SIPA1L3: variants seen among roughly 807,000 people sequenced by gnomAD.
The protein encoded by SIPA1L3 is signal-induced proliferation-associated 1-like protein 3.
A neutral mutation model predicts 150.1 loss-of-function variants in SIPA1L3; 59 were observed. The observed-to-expected ratio is 0.39, with a 90% CI of 0.32 to 0.49. SIPA1L3 has a LOEUF of 0.49. SIPA1L3 is among the 20% of genes least tolerant of loss of function. SIPA1L3 has a pLI of 0.86. For synonymous variants in SIPA1L3, 1,070 were observed against 1,077.6 expected, an observed-to-expected ratio of 0.99 and a Z score of 0.14; for missense variants, 2,211 against 2,489.5, an observed-to-expected ratio of 0.89 and a Z score of 2.38.
intron 2 of SIPA1L3, among the ~76,000 whole-genome samples, chr19:38,050,264 T>G (rs1204828279): frequency 6.6e-6 from 1 of 152,112 alleles, no homozygotes; most frequent in African/African-American, 2.4e-5. Context: ...GAGACCAGCC[T>G]GGCCAACATG....
chr19:37,926,100 A>G (rs2046501305), intron 1 of SIPA1L3, among the ~76,000 whole-genome samples: 2 of 152,014 alleles, frequency 1.3e-5, no homozygotes, highest in African/African-American at 4.8e-5. Context: ...GTGGGTCAAG[A>G]ATGGTTGAAT....
intron 4 of SIPA1L3, 146 bp downstream of exon 4, chr19:38,088,997 T>A: frequency 1.2e-6 from 1 of 840,122 alleles, no homozygotes; most frequent in Non-Finnish European, 1.8e-6. Context: ...TCTCTCCATC[T>A]CACAGAGGAA....
intron 1 of SIPA1L3, among the ~76,000 whole-genome samples, chr19:37,916,899 C>A (rs2046419028): frequency 6.6e-6 from 1 of 151,430 alleles, no homozygotes; most frequent in South Asian, 2.1e-4. Context: ...GTGACAGTTG[C>A]AGTGAGCCAA....
intron 1 of SIPA1L3, among the ~76,000 whole-genome samples, chr19:38,007,785 T>A (rs1352557367): frequency 5.9e-5 from 9 of 152,120 alleles, no homozygotes; most frequent in Non-Finnish European, 1.3e-4. Context: ...ATGATTTAGT[T>A]ACTTTATTGA....
chr19:38,118,754 G>T, intron 8 of SIPA1L3, among the ~76,000 whole-genome samples: 1 of 151,850 alleles, frequency 6.6e-6, no homozygotes, highest in Middle Eastern at 3.2e-3. Flanking sequence ...GGCTGGTCTC[G>T]AACTCCTGAC....
intron 1 of SIPA1L3, among the ~76,000 whole-genome samples, chr19:37,976,473 G>T (rs558520430): frequency 6.6e-6 from 1 of 152,118 alleles, no homozygotes; most frequent in African/African-American, 2.4e-5. Context: ...ATCAATCCAG[G>T]TTCTTGGGTT....
chr19:37,911,468 G>C (rs2046376913), intron 1 of SIPA1L3, among the ~76,000 whole-genome samples: 1 of 151,448 alleles, frequency 6.6e-6, no homozygotes, highest in South Asian at 2.1e-4. Flanking sequence ...CTTTATTCCA[G>C]CATTCCCCCA....
rs532385643 is a variant in SIPA1L3 at position 38,206,482 on chromosome 19, C to T, written c.*242C>T. 32 of 479,222 alleles carry T rather than the reference C, an allele frequency of 6.7e-5. No individual in the cohort carries two copies. Among genetic ancestry groups the T allele is most frequent in the African/African-American group, 3.2e-4 (16 of 50,066 alleles). The allele number at this position is 479,222 out of a possible 1,614,324, so 29.7% of individuals were successfully genotyped here. Reference sequence around the variant, plus strand: ...CCTCCAAGCTGCCCAGCTGTGGTCCCGGTGAGCTGGGCTGTGCTTACACCG... The same window carrying T: ...CCTCCAAGCTGCCCAGCTGTGGTCCTGGTGAGCTGGGCTGTGCTTACACCG... On this transcript the variant is annotated 3_prime_UTR_variant, in exon 22 of 22. Transcript: ENST00000222345.
At chr19:38,137,680 G>A (rs1971465303) in intron 10 of SIPA1L3, among the ~76,000 whole-genome samples, 1 of 151,904 alleles carries the variant, frequency 6.6e-6, no homozygotes, top group African/African-American at 2.4e-5. Context: ...TTTGGACACA[G>A]GATCTTGCTG....
intron 14 of SIPA1L3, among the ~76,000 whole-genome samples, chr19:38,162,639 C>G (rs1972119797): frequency 1.3e-5 from 2 of 152,232 alleles, no homozygotes. Context: ...CTGTAACAGA[C>G]AGCCCCGAAT....
chr19:38,112,007 A>ACACACCATGCGTC (rs1970768549), intron 8 of SIPA1L3, among the ~76,000 whole-genome samples: 7 of 150,412 alleles, frequency 4.7e-5, no homozygotes, highest in African/African-American at 1.7e-4. Flanking sequence ...GCACACAGGC[A>ACACACCATGCGTC]CACACATGCA....
At chr19:37,931,878 G>A (rs926163195) in intron 1 of SIPA1L3, among the ~76,000 whole-genome samples, 5 of 152,142 alleles carry the variant, frequency 3.3e-5, no homozygotes, top group Non-Finnish European at 2.9e-5. Flanking sequence ...TGACTTATTC[G>A]TTGAACTTCT....
At chr19:38,062,805 G>A (rs1170195968) in intron 2 of SIPA1L3, among the ~76,000 whole-genome samples, 1 of 152,040 alleles carries the variant, frequency 6.6e-6, no homozygotes, top group Non-Finnish European at 1.5e-5. Context: ...ATTTTTAGTA[G>A]AGACAGAGTT....
chr19:38,128,260 C>T (rs1014599920), intron 9 of SIPA1L3, among the ~76,000 whole-genome samples: 3 of 151,740 alleles, frequency 2.0e-5, no homozygotes, highest in Non-Finnish European at 2.9e-5. Flanking sequence ...AGGGTTCTGC[C>T]GTAGTAATAG....
At chr19:38,072,761 G>A (rs772528646) in intron 2 of SIPA1L3, among the ~76,000 whole-genome samples, 1 of 152,274 alleles carries the variant, frequency 6.6e-6, no homozygotes, top group Admixed American at 6.5e-5. Flanking sequence ...GGAAAAAGGA[G>A]TCCTGGCGAC....
At chr19:38,095,721 G>T (rs1426154686) in intron 4 of SIPA1L3, among the ~76,000 whole-genome samples, 1 of 152,130 alleles carries the variant, frequency 6.6e-6, no homozygotes, top group Non-Finnish European at 1.5e-5. Flanking sequence ...GGAGAGTGAG[G>T]TGGCCACTCA....
In SIPA1L3 at chr19:38,000,612, C is replaced by T. The variant is rs190052151; in HGVS notation, c.-378-28477C>T. Among the ~76,000 whole-genome samples the T allele has an allele frequency of 4.6e-3, 685 of 149,044 alleles. 5 individuals are homozygous for T. Among genetic ancestry groups the T allele is most frequent in the Non-Finnish European group, 6.6e-3 (443 of 67,592 alleles). On this transcript the variant is annotated intron_variant, in intron 1 of 21. Transcript: ENST00000222345. ...TTTGAGGAAATAGGCTTAATTTCAT[C>T]GTTGAAAAATGTTATTTTTCACTCG...
chr19:37,934,114 G>A (rs190387202), intron 1 of SIPA1L3, among the ~76,000 whole-genome samples: 2 of 152,208 alleles, frequency 1.3e-5, no homozygotes, highest in Non-Finnish European at 2.9e-5. Context: ...TAGCTGACAC[G>A]TCCTCATCTA....
At position 38,100,157 on chromosome 19, in the gene SIPA1L3, C is replaced by A; in HGVS notation, c.1854+7C>A. ...GAAGCTCGATGAGCAAGGGGTGAGT[C>A]AGGGGCTGGAGGTGGGGGTGCTGCT... On this transcript the variant is annotated splice_region_variant and intron_variant, in intron 5 of 21. Transcript: ENST00000222345. The A allele has an allele frequency of 6.4e-7, 1 of 1,550,712 alleles. No homozygotes were observed. Among genetic ancestry groups the A allele is most frequent in the Non-Finnish European group, 8.7e-7 (1 of 1,149,308 alleles).
Sources: gnomAD v4.1 joint callset for allele counts (sites outside exome capture counted in the v4.1 genomes callset) on GRCh38, gnomAD v4.1.1 for gene constraint, MANE v1.5 for transcripts, NCBI Gene and HGNC (gene_info 2026-07-23, HGNC 2026-07-21) for gene names.